Variants in ZAP70 observed in about 807,000 individuals in gnomAD.
The protein encoded by ZAP70 is zeta chain of T cell receptor associated protein kinase 70, also known as tyrosine-protein kinase ZAP-70.
In ZAP70, 27 loss-of-function variants were observed where a neutral mutation model predicts 65.8. That is an observed-to-expected ratio of 0.41 (90% CI 0.30 to 0.57). The LOEUF is 0.57. ZAP70 is among the 20% of genes least tolerant of loss of function. The pLI is 0.28. For missense variants in ZAP70, 696 were observed against 870.5 expected (o/e 0.80, Z 2.52); for synonymous variants, 363 against 360.8 (o/e 1.01, Z -0.07).
downstream of ZAP70, among the ~76,000 whole-genome samples, chr2:97,741,997 G>A (rs985848653): frequency 1.3e-5 from 2 of 152,234 alleles, no homozygotes; most frequent in African/African-American, 4.8e-5. Context: ...TGAAGGGTGA[G>A]TGACATTTGG....
chr2:97,743,968 T>C (rs376191779), downstream of ZAP70, among the ~76,000 whole-genome samples: 7 of 152,324 alleles, frequency 4.6e-5, no homozygotes, highest in East Asian at 5.8e-4. Context: ...AGTGGTCTCT[T>C]GTATACCTGG....
At chr2:97,722,241 TG>T (rs1186660846) in intron 2 of ZAP70, among the ~76,000 whole-genome samples, 1 of 151,952 alleles carries the variant, frequency 6.6e-6, no homozygotes, top group Admixed American at 6.6e-5. Flanking sequence ...CCACCACCTC[TG>T]GCTAATTTTT....
chr2:97,723,303 G>A (rs1677231913), intron 2 of ZAP70, among the ~76,000 whole-genome samples: 1 of 152,260 alleles, frequency 6.6e-6, no homozygotes, highest in Non-Finnish European at 1.5e-5. Flanking sequence ...TGCTAAGGCC[G>A]AGGGGAAAGG....
At chr2:97,755,197 C>T in the ZAP70 span, among the ~76,000 whole-genome samples, 1 of 152,100 alleles carries the variant, frequency 6.6e-6, no homozygotes, top group Non-Finnish European at 1.5e-5. Flanking sequence ...TGTGGCGTAC[C>T]GAGACTCGCC....
At chr2:97,751,317 C>T in the ZAP70 span, among the ~76,000 whole-genome samples, 14 of 151,938 alleles carry the variant, frequency 9.2e-5, no homozygotes, top group Admixed American at 3.9e-4. Context: ...CTGTATAGTT[C>T]ATATTTATGT....
chr2:97,730,883 A>G (rs989646175), intron 4 of ZAP70, among the ~76,000 whole-genome samples: 3 of 151,930 alleles, frequency 2.0e-5, no homozygotes, highest in Non-Finnish European at 2.9e-5. Context: ...GTGAAACCCC[A>G]TCTCTACTAA....
intron 2 of ZAP70, 131 bp from the exon 3 acceptor site, chr2:97,723,885 C>A: frequency 9.8e-7 from 1 of 1,023,438 alleles, no homozygotes; most frequent in Non-Finnish European, 1.4e-6. Flanking sequence ...ACAGAGCAGG[C>A]TCTGCCCCCT....
the ZAP70 span, among the ~76,000 whole-genome samples, chr2:97,750,658 G>A: frequency 3.3e-5 from 5 of 152,226 alleles, no homozygotes; most frequent in African/African-American, 9.6e-5. Flanking sequence ...GGTAATGGGC[G>A]CATGTTCCAG....
Position 97,724,290 on chromosome 2 carries a change from A to G in ZAP70, c.254A>G (p.Glu85Gly). 3 of 1,599,210 alleles carry G rather than the reference A, an allele frequency of 1.9e-6. No individual in the cohort carries two copies. The highest frequency in any genetic ancestry group is 2.6e-6 in the Non-Finnish European group (3 of 1,175,366). ...CACTGTGGACCGGCAGAGCTCTGCG[A>G]GTTCTACTCGCGCGACCCCGACGGG... ...KAHCGPAELC[E>G]FYSRDPDGLP... Residue 85 changes from glutamate (E) to glycine (G), a missense_variant, in exon 3 of 14, where the codon GAG becomes GGG. Coordinates refer to ENST00000264972, the MANE Select transcript of ZAP70 (RefSeq NM_001079.4).
chr2:97,719,269 G>A (rs889428931), intron 2 of ZAP70, among the ~76,000 whole-genome samples: 1 of 150,992 alleles, frequency 6.6e-6, no homozygotes, highest in East Asian at 2.0e-4. Context: ...TCAGTCGGGC[G>A]AGAGATCTGG....
downstream of ZAP70, among the ~76,000 whole-genome samples, chr2:97,741,467 T>C (rs1678128158): frequency 6.8e-6 from 1 of 147,224 alleles, no homozygotes; most frequent in Non-Finnish European, 1.5e-5. Context: ...AAGCTCCCCG[T>C]CCCCTCCCGG....
chr2:97,722,112 C>T (rs537779663), intron 2 of ZAP70, among the ~76,000 whole-genome samples: 14 of 149,920 alleles, frequency 9.3e-5, no homozygotes, highest in Non-Finnish European at 1.8e-4. Context: ...CAGAGTTTCG[C>T]GCTTGTTGCC....
At chr2:97,738,146 C>A in intron 13 of ZAP70, 39 bp downstream of exon 13, 1 of 1,533,652 alleles carries the variant, frequency 6.5e-7, no homozygotes, top group African/African-American at 1.4e-5. Flanking sequence ...TGGGCTGACC[C>A]CTGGAAAGTC....
At position 97,721,580 on chromosome 2, in the gene ZAP70, ATTTTTTTT is replaced by A. The variant is rs796509420; in HGVS notation, c.-21-2418_-21-2411del. ...AGGCGCCCGCCACCATGGCTGGCTG[ATTTTTTTT>A]TTTTTTTTTTTTTTTTTGTATTTTT... is the stretch of plus-strand genomic sequence containing the variant. On this transcript the variant is annotated intron_variant, in intron 2 of 13. Coordinates refer to ENST00000264972, the MANE Select transcript of ZAP70 (RefSeq NM_001079.4). 2.9e-3 allele frequency among the ~76,000 whole-genome samples: 236 copies of A among 81,168 alleles called. 2 individuals carry two copies. The highest frequency in any genetic ancestry group is 0.01 in the African/African-American group (224 of 21,626). 53.2% of individuals were successfully genotyped at this position (81,168 alleles called of 152,430 possible).
chr2:97,734,095 T>C, intron 8 of ZAP70: 1 of 282,744 alleles, frequency 3.5e-6, no homozygotes. Context: ...GGCCCAGACC[T>C]GAACATGTGT....
rs1372313800 is a variant in ZAP70 at position 97,731,236 on chromosome 2, C to A, written c.564-1647C>A. On this transcript the variant is annotated intron_variant, in intron 4 of 13. Transcript: ENST00000264972. This position sits in a 1 kb window ranked among gnomAD's most constrained non-coding sequence, Gnocchi z 4.0. Reference sequence around the variant, plus strand: ...CACCTCCAGGCCAGCCTGCCACCTGCCTCTGACTTCCACAGCTCTGAGACC... The same window carrying A: ...CACCTCCAGGCCAGCCTGCCACCTGACTCTGACTTCCACAGCTCTGAGACC... Among the ~76,000 whole-genome samples the A allele has an allele frequency of 3.9e-5, 6 of 152,124 alleles. 1 individual carries two copies. The highest frequency in any genetic ancestry group is 9.7e-5 in the African/African-American group (4 of 41,428).
chr2:97,735,530 G>A (rs757769675), intron 10 of ZAP70, 74 bp downstream of exon 10: 4 of 1,513,494 alleles, frequency 2.6e-6, no homozygotes, highest in Non-Finnish European at 3.6e-6. Flanking sequence ...ACATGCACCC[G>A]CGTGCATGCG....
downstream of ZAP70, among the ~76,000 whole-genome samples, chr2:97,743,722 T>A (rs1358560395): frequency 6.6e-6 from 1 of 152,266 alleles, no homozygotes; most frequent in Non-Finnish European, 1.5e-5. Flanking sequence ...AAGGTTGCAC[T>A]ATTATTCTCT....
downstream of ZAP70, among the ~76,000 whole-genome samples, chr2:97,743,401 T>C (rs1193928686): frequency 3.3e-5 from 5 of 152,364 alleles, no homozygotes; most frequent in African/African-American, 9.6e-5. Context: ...AATGGCGCGA[T>C]CTTGGCTCAC....
Sources: allele counts gnomAD v4.1 joint callset (sites outside exome capture counted in the v4.1 genomes callset), GRCh38; gene constraint gnomAD v4.1.1; non-coding constraint Gnocchi (gnomAD v3.1); transcripts MANE v1.5; gene names NCBI Gene and HGNC (gene_info 2026-07-23, HGNC 2026-07-21).